ZFHX2: variants seen among roughly 807,000 people sequenced by gnomAD.
The protein encoded by ZFHX2 is zinc finger homeobox 2.
Under a neutral mutation model 164.8 loss-of-function variants are expected in ZFHX2, and 75 were observed. That is an observed-to-expected ratio of 0.46 (90% confidence interval 0.38 to 0.55). ZFHX2 has a LOEUF of 0.55. Among genes scored for constraint, ZFHX2 ranks in the 20% least tolerant of loss-of-function variants. The pLI is 0.00. For missense variants in ZFHX2, 2,933 were observed against 3,308.0 expected, an observed-to-expected ratio of 0.89 and a Z score of 2.78; for synonymous variants, 1,217 against 1,351.4, an observed-to-expected ratio of 0.90 and a Z score of 2.18.
rs1459970820 is a variant in ZFHX2 at position 23,534,982 on chromosome 14, A to G, written c.344T>C (p.Phe115Ser). The G allele has an allele frequency of 5.9e-6, 9 of 1,536,014 alleles. No individual in the cohort carries two copies. Among genetic ancestry groups the G allele is most frequent in the Non-Finnish European group, 7.0e-6 (8 of 1,146,924 alleles). The change falls in exon 2 of 10, where the codon TTC (phenylalanine) becomes TCC (serine). Residue 115 changes from phenylalanine (F) to serine (S), a missense_variant. Phe to Ser is a radical substitution (Grantham distance 155). Transcript: ENST00000419474. The surrounding 1 kb of genome is among the most constrained non-coding windows in gnomAD (Gnocchi z 4.5). ...LPPMDLSNHL[F>S]FTAGGEAYLV... ...GTAGGCCTCACCTCCAGCTGTGAAGAATAAGTGGTTGCTTAGGTCCATGGG... is the reference window on the plus strand; with the variant it reads ...GTAGGCCTCACCTCCAGCTGTGAAGGATAAGTGGTTGCTTAGGTCCATGGG...
Position 23,546,459 on chromosome 14 carries a change from G to T in ZFHX2, c.-50+4884C>A, listed in dbSNP as rs1881391330. 6.6e-6 allele frequency among the ~76,000 whole-genome samples: 1 copy of T among 152,178 alleles called. No homozygotes were observed. The highest frequency in any genetic ancestry group is 2.1e-4 in the South Asian group (1 of 4,824). On this transcript the variant is annotated intron_variant, in intron 1 of 9. Transcript: ENST00000419474. This position sits in a 1 kb window ranked among gnomAD's most constrained non-coding sequence, Gnocchi z 4.7. ...AGTGGTACAGCTTGGTGACAGGACT[G>T]TGGGTGGACCTCAGCCCTGTCACCC...
intron 1 of ZFHX2, among the ~76,000 whole-genome samples, chr14:23,549,498 C>T (rs998808278): frequency 6.6e-6 from 1 of 152,006 alleles, no homozygotes; most frequent in African/African-American, 2.4e-5. Flanking sequence ...GAACTTGGCT[C>T]CTTACATACG....
intron 1 of ZFHX2, among the ~76,000 whole-genome samples, chr14:23,537,240 TTC>T (rs917403707): frequency 4.6e-5 from 7 of 151,960 alleles, no homozygotes; most frequent in African/African-American, 1.5e-4. Flanking sequence ...TTTTTTTTTT[TTC>T]TAAATCAGGA....
intron 4 of ZFHX2, 49 bp downstream of exon 4, chr14:23,531,432 C>A: frequency 7.4e-7 from 1 of 1,357,430 alleles, no homozygotes; most frequent in Non-Finnish European, 9.5e-7. Flanking sequence ...TCCCCACATC[C>A]TGCTGCCCTC....
At chr14:23,531,762 C>T in intron 3 of ZFHX2, 41 bp from the exon 4 acceptor site, 1 of 1,287,550 alleles carries the variant, frequency 7.8e-7, no homozygotes. Flanking sequence ...CCAGAAGGGA[C>T]ATGCCAGACC....
At chr14:23,555,250 C>T (rs998865774), upstream of ZFHX2, among the ~76,000 whole-genome samples, 2 of 152,154 alleles carry the variant, frequency 1.3e-5, no homozygotes, top group South Asian at 2.1e-4. Context: ...TCACCTGCCT[C>T]GGCTTCCCAA....
At position 23,547,118 on chromosome 14, in the gene ZFHX2, G is replaced by A. The variant is rs1196541448; in HGVS notation, c.-50+4225C>T. 2.4e-4 allele frequency among the ~76,000 whole-genome samples: 36 copies of A among 152,168 alleles called. 1 individual carries two copies. Among genetic ancestry groups the A allele is most frequent in the Admixed American group, 2.4e-3 (36 of 15,274 alleles). On this transcript the variant is annotated intron_variant, in intron 1 of 9. Transcript: ENST00000419474. ...AGTTGTGGTGAGTTTTACATCTCTT[G>A]CCTCCCCCTCTTCTAGATACCTCTG...
In ZFHX2 at chr14:23,533,941, T is replaced by C; in HGVS notation, c.1385A>G (p.Tyr462Cys). ...CACATCCAGGGTCTGCTGGTACTTG[T>C]AGTGCCAGTTGCACTTGGGACACTT... ...TLKCPKCNWHYKYQQTLDVHM... is the reference protein window; with the variant it reads ...TLKCPKCNWHCKYQQTLDVHM... The change falls in exon 2 of 10, where the codon TAC (tyrosine) becomes TGC (cysteine). Residue 462 changes from tyrosine to cysteine, a missense_variant. Transcript: ENST00000419474. This position sits in a 1 kb window ranked among gnomAD's most constrained non-coding sequence, Gnocchi z 4.8. The C allele has an allele frequency of 6.5e-7, 1 of 1,538,086 alleles. No individual in the cohort carries two copies. Among genetic ancestry groups the C allele is most frequent in the Non-Finnish European group, 8.7e-7 (1 of 1,147,088 alleles).
In ZFHX2 at chr14:23,535,407, AG is replaced by A; in HGVS notation, c.-49-34del. 1 of 1,403,996 alleles carries A rather than the reference AG, an allele frequency of 7.1e-7. No individual in the cohort carries two copies. The highest frequency in any genetic ancestry group is 9.3e-7 in the Non-Finnish European group (1 of 1,080,422). 87.0% of individuals were successfully genotyped at this position (1,403,996 alleles called of 1,614,324 possible). A position where few individuals can be genotyped will look rare whatever the true frequency, so the allele number is the denominator to read the frequency against. Reference sequence around the variant, plus strand: ...GAGACAAGGAGAGAGCAGTGCTGTGAGGCTGCAGGGACCCCAGCTGGGCAGC... The same window carrying A: ...GAGACAAGGAGAGAGCAGTGCTGTGAGCTGCAGGGACCCCAGCTGGGCAGC... On this transcript the variant is annotated intron_variant, in intron 1 of 9. Transcript: ENST00000419474. The surrounding 1 kb of genome is among the most constrained non-coding windows in gnomAD (Gnocchi z 4.5).
chr14:23,522,620 C>G lies in ZFHX2; in HGVS notation c.7061G>C (p.Gly2354Ala), dbSNP rs1321209824. ...AAAGACAGCTGGCGGTGCTGTTCCC[C>G]CAGCAGGGGGCAATGGAAAGGGCAG... ...QFLPFPLPPA[G>A]GTAPPAVFGP... The change falls in exon 10 of 10, where the codon GGG (glycine) becomes GCG (alanine). Residue 2354 changes from glycine to alanine, a missense_variant. Gly to Ala is a moderately conservative substitution (Grantham distance 60). Transcript: ENST00000419474. 6.5e-7 allele frequency: 1 copy of G among 1,533,320 alleles called. No individual in the cohort carries two copies. The highest frequency in any genetic ancestry group is 8.7e-7 in the Non-Finnish European group (1 of 1,144,972). 95.0% of individuals were successfully genotyped at this position (1,533,320 alleles called of 1,614,324 possible). A position where few individuals can be genotyped will look rare whatever the true frequency, so the allele number is the denominator to read the frequency against.
In ZFHX2 at chr14:23,526,062, C is replaced by T; in HGVS notation, c.3880G>A (p.Glu1294Lys). Residue 1294 changes from glutamate to lysine, a missense_variant, in exon 9 of 10, where the codon GAG becomes AAG. Transcript: ENST00000419474. ...KIEGPERSQE[E>K]PKEGETEGEV... is the part of the protein sequence containing the mutation. ...CCCTCTGTCTCGCCTTCCTTGGGCTCTTCTTGGCTGCGTTCTGGCCCTTCA... is the reference window on the plus strand; with the variant it reads ...CCCTCTGTCTCGCCTTCCTTGGGCTTTTCTTGGCTGCGTTCTGGCCCTTCA... 3.3e-6 allele frequency: 5 copies of T among 1,536,532 alleles called. No individual in the cohort carries two copies. The highest frequency in any genetic ancestry group is 4.4e-6 in the Non-Finnish European group (5 of 1,146,968).
Position 23,535,270 on chromosome 14 carries a change from T to C in ZFHX2, c.56A>G (p.Asn19Ser). Residue 19 changes from asparagine to serine, a missense_variant, in exon 2 of 10, where the codon AAT (asparagine) becomes AGT (serine). By Grantham distance (46) the Asn-to-Ser change is conservative. Transcript: ENST00000419474. The surrounding 1 kb of genome is among the most constrained non-coding windows in gnomAD (Gnocchi z 4.5). ...TTGTTPSPGH[N>S]APSLPSDTFS... ...GGTGTCCGAAGGCAGGGACGGGGCATTGTGCCCAGGGGAGGGGGTGGTACC... is the reference window on the plus strand; with the variant it reads ...GGTGTCCGAAGGCAGGGACGGGGCACTGTGCCCAGGGGAGGGGGTGGTACC... The C allele has an allele frequency of 6.7e-7, 1 of 1,496,536 alleles. No homozygotes were observed. Among genetic ancestry groups the C allele is most frequent in the Non-Finnish European group, 8.9e-7 (1 of 1,122,408 alleles). The allele number at this position is 1,496,536 out of a possible 1,614,324, so 92.7% of individuals were successfully genotyped here. A position where few individuals can be genotyped will look rare whatever the true frequency, so the allele number is the denominator to read the frequency against.
At chr14:23,537,249 A>G (rs1880270208) in intron 1 of ZFHX2, among the ~76,000 whole-genome samples, 1 of 151,162 alleles carries the variant, frequency 6.6e-6, no homozygotes, top group Non-Finnish European at 1.5e-5. Context: ...TTTCTAAATC[A>G]GGAACCTCCC....
In ZFHX2 at chr14:23,526,873, G is replaced by C; in HGVS notation, c.3236C>G (p.Pro1079Arg). Residue 1079 changes from proline to arginine, a missense_variant, in exon 8 of 10, where the codon CCT becomes CGT. By Grantham distance (103) the Pro-to-Arg change is moderately radical. Transcript: ENST00000419474. The stretch of plus-strand genomic sequence containing the variant: ...TGCTGCCTGGTCTCTGCTCGGTGTA[G>C]GCTCTGGCCCATGAGTGGGGGGTTC... ...GQEPPTHGPE[P>R]TPSRDQAAEG... 6.5e-7 allele frequency: 1 copy of C among 1,533,798 alleles called. No individual in the cohort carries two copies. The highest frequency in any genetic ancestry group is 8.7e-7 in the Non-Finnish European group (1 of 1,145,872).
Position 23,526,072 on chromosome 14 carries a change from G to T in ZFHX2, c.3870C>A (p.Arg1290=), listed in dbSNP as rs1395437549. 10 of 1,536,532 alleles carry T rather than the reference G, an allele frequency of 6.5e-6. No homozygotes were observed. The East Asian group carries it at 1.5e-4, about 23-fold the overall frequency. The change falls in exon 9 of 10, where the codon CGC becomes CGA. Residue 1290 remains arginine (R), a synonymous_variant. Transcript: ENST00000419474. ...KTDSKIEGPE[R]SQEEPKEGET... is the part of the protein sequence containing the mutation. Reference sequence around the variant, plus strand: ...CGCCTTCCTTGGGCTCTTCTTGGCTGCGTTCTGGCCCTTCAATCTTGGAAT... The same window carrying T: ...CGCCTTCCTTGGGCTCTTCTTGGCTTCGTTCTGGCCCTTCAATCTTGGAAT...
At chr14:23,536,362 T>A (rs1291664627) in intron 1 of ZFHX2, among the ~76,000 whole-genome samples, 1 of 152,190 alleles carries the variant, frequency 6.6e-6, no homozygotes, top group East Asian at 1.9e-4. Flanking sequence ...CCCTAAGTCT[T>A]GCCAGAGATA....
In ZFHX2 at chr14:23,534,304, A is replaced by G. The variant is rs1187981171; in HGVS notation, c.1022T>C (p.Met341Thr). The change falls in exon 2 of 10, where the codon ATG (methionine) becomes ACG (threonine). Residue 341 changes from methionine to threonine, a missense_variant. Coordinates refer to ENST00000419474, the MANE Select transcript of ZFHX2 (RefSeq NM_033400.3). This position sits in a 1 kb window ranked among gnomAD's most constrained non-coding sequence, Gnocchi z 4.5. ...GGGTGGAGAGGGTGGGCTGAGGGCC[A>G]TAACTTCTTCATCCAGGAGGATAAG... ...QALILLDEEVMALSPPSPPTA... is the reference protein window; with the variant it reads ...QALILLDEEVTALSPPSPPTA... 1 of 1,535,470 alleles carries G rather than the reference A, an allele frequency of 6.5e-7. No homozygotes were observed. The highest frequency in any genetic ancestry group is 2.0e-5 in the Admixed American group (1 of 50,946).
In ZFHX2 at chr14:23,541,987, C is replaced by T. The variant is rs186794598; in HGVS notation, c.-49-6613G>A. On this transcript the variant is annotated intron_variant, in intron 1 of 9. Coordinates refer to ENST00000419474, the MANE Select transcript of ZFHX2 (RefSeq NM_033400.3). ...TTTTGTCCAAAAGAGAGAGAAAGAA[C>T]GAGTATGGCAGGGAATGAGACAAGC... is the stretch of plus-strand genomic sequence containing the variant. Among the ~76,000 whole-genome samples, 9 of 151,766 alleles carry T rather than the reference C, an allele frequency of 5.9e-5. No homozygotes were observed. The South Asian group carries it at 6.2e-4, about 11-fold the overall frequency.
At position 23,524,615 on chromosome 14, in the gene ZFHX2, A is replaced by G. The variant is rs908560680; in HGVS notation, c.5327T>C (p.Ile1776Thr). The G allele has an allele frequency of 9.9e-5, 152 of 1,536,210 alleles. No homozygotes were observed. The highest frequency in any genetic ancestry group is 1.3e-4 in the Non-Finnish European group (149 of 1,146,888). ...SPAHTCDQCA[I>T]SFSSQDLLTS... The stretch of plus-strand genomic sequence containing the variant: ...CAGGAGGTCCTGGCTGGAGAAAGAA[A>G]TGGCACACTGGTCACAGGTATGGGC... Residue 1776 changes from isoleucine (I) to threonine (T), a missense_variant, in exon 9 of 10, where the codon ATT becomes ACT. Transcript: ENST00000419474. The surrounding 1 kb of genome is among the most constrained non-coding windows in gnomAD (Gnocchi z 5.6).
Sources: gnomAD v4.1 joint callset for allele counts (sites outside exome capture counted in the v4.1 genomes callset) on GRCh38, gnomAD v4.1.1 for gene constraint, Gnocchi (gnomAD v3.1) non-coding constraint, MANE v1.5 for transcripts, NCBI Gene and HGNC (gene_info 2026-07-23, HGNC 2026-07-21) for gene names.